Variants in DHX36 observed in about 807,000 individuals in gnomAD.
The protein encoded by DHX36 is ATP-dependent DNA/RNA helicase DHX36.
In DHX36, 50 loss-of-function variants were observed where a neutral mutation model predicts 139.0. The ratio of observed to expected loss-of-function variants is 0.36; its 90% CI spans 0.29 to 0.46. The LOEUF is 0.46. Ranked by LOEUF, DHX36 falls within the 20% of genes least tolerant of loss-of-function variation. DHX36 has a pLI of 1.00. For missense variants in DHX36, 1,024 were observed against 1,211.3 expected (o/e 0.85, Z 2.29); for synonymous variants, 425 against 401.9 (o/e 1.06, Z -0.69).
chr3:154,324,452 C>T lies in DHX36; in HGVS notation c.-36G>A, dbSNP rs750094739. ...GACTACAACCCGTCAGAACCAGCAA[C>T]CGCTGGAAATGGCGTCCGGGCCCGG... is the stretch of plus-strand genomic sequence containing the variant. On this transcript the variant is annotated 5_prime_UTR_variant, in exon 1 of 25. Transcript: ENST00000496811. 1.2e-5 allele frequency: 18 copies of T among 1,451,064 alleles called. No individual in the cohort carries two copies. Among genetic ancestry groups the T allele is most frequent in the Non-Finnish European group, 1.5e-5 (17 of 1,104,932 alleles). The allele number at this position is 1,451,064 out of a possible 1,614,324, so 89.9% of individuals were successfully genotyped here. A position where few individuals can be genotyped will look rare whatever the true frequency, so the allele number is the denominator to read the frequency against.
At chr3:154,295,728 A>C (rs1288615441) in intron 12 of DHX36, among the ~76,000 whole-genome samples, 5 of 152,238 alleles carry the variant, frequency 3.3e-5, no homozygotes, top group African/African-American at 1.2e-4. Flanking sequence ...CTGAATGAAT[A>C]GGCAACAATT....
chr3:154,288,903 T>C lies in DHX36; in HGVS notation c.1994A>G (p.Glu665Gly). Residue 665 changes from glutamate to glycine, a missense_variant, in exon 17 of 25, where the codon GAG becomes GGG. Physicochemically the swap from Glu to Gly is moderately conservative, Grantham distance 98. This residue lies in a region of DHX36 where 470 missense variants were observed against 616.2 expected (regional missense o/e 0.76). Transcript: ENST00000496811. ...LSRLMDPPSN[E>G]AVLLSIRHLM... Reference sequence around the variant, plus strand: ...GTGTCTTATGGAGAGTAACACTGCCTCATTTGATGGTGGGTCCATTAATCT... The same window carrying C: ...GTGTCTTATGGAGAGTAACACTGCCCCATTTGATGGTGGGTCCATTAATCT... 1 of 1,593,764 alleles carries C rather than the reference T, an allele frequency of 6.3e-7. No individual in the cohort carries two copies. The highest frequency in any genetic ancestry group is 8.6e-7 in the Non-Finnish European group (1 of 1,169,170).
chr3:154,310,821 A>ATG (rs1340929316), intron 4 of DHX36, among the ~76,000 whole-genome samples: 2 of 24,102 alleles, frequency 8.3e-5, no homozygotes, highest in African/African-American at 4.0e-4. Flanking sequence ...ATATATATAT[A>ATG]TATATATATA....
rs758611003 is a variant in DHX36 at position 154,324,367 on chromosome 3, C to G, written c.50G>C (p.Ser17Thr). The change falls in exon 1 of 25, where the codon AGC becomes ACC. Residue 17 changes from serine (S) to threonine (T), a missense_variant. Ser to Thr is a moderately conservative substitution (Grantham distance 58). Transcript: ENST00000496811. The part of the protein sequence containing the change: ...QNWGRDGGPR[S>T]SGGGYGGGPA... ...CCCCCCTCCATAGCCCCCACCGGAG[C>G]TGCGGGGACCCCCATCACGGCCCCA... The G allele has an allele frequency of 1.3e-6, 2 of 1,591,206 alleles. No individual in the cohort carries two copies. Among genetic ancestry groups the G allele is most frequent in the Non-Finnish European group, 1.7e-6 (2 of 1,166,712 alleles).
chr3:154,310,056 T>C (rs1273609918), intron 4 of DHX36, among the ~76,000 whole-genome samples: 1 of 152,080 alleles, frequency 6.6e-6, no homozygotes, highest in Non-Finnish European at 1.5e-5. Flanking sequence ...AAAAACATAT[T>C]GACATAAACA....
chr3:154,303,067 ACT>A (rs1184788302), intron 9 of DHX36, among the ~76,000 whole-genome samples: 1 of 151,892 alleles, frequency 6.6e-6, no homozygotes, highest in African/African-American at 2.4e-5. Context: ...ACAGAGAGAG[ACT>A]CTGTCTCAAT....
chr3:154,324,440 C>T lies in DHX36; in HGVS notation c.-24G>A. 4 of 1,458,638 alleles carry T rather than the reference C, an allele frequency of 2.7e-6. No individual in the cohort carries two copies. Among genetic ancestry groups the T allele is most frequent in the Non-Finnish European group, 3.6e-6 (4 of 1,108,058 alleles). 90.4% of individuals were successfully genotyped at this position (1,458,638 alleles called of 1,614,324 possible). A position where few individuals can be genotyped will look rare whatever the true frequency, so the allele number is the denominator to read the frequency against. ...ATTGTCCTGGCAGACTACAACCCGT[C>T]AGAACCAGCAACCGCTGGAAATGGC... On this transcript the variant is annotated 5_prime_UTR_variant, in exon 1 of 25. Coordinates refer to ENST00000496811, the MANE Select transcript of DHX36 (RefSeq NM_020865.3).
chr3:154,312,783 G>A (rs772815562), intron 3 of DHX36, among the ~76,000 whole-genome samples: 5 of 144,990 alleles, frequency 3.4e-5, no homozygotes, highest in Non-Finnish European at 4.5e-5. Flanking sequence ...AGCCGAGATC[G>A]TGCCACGGCA....
chr3:154,276,325 T>A lies in DHX36; in HGVS notation c.2873A>T (p.Gln958Leu). 2 of 1,613,184 alleles carry A rather than the reference T, an allele frequency of 1.2e-6. No individual in the cohort carries two copies. Among genetic ancestry groups the A allele is most frequent in the Non-Finnish European group, 1.7e-6 (2 of 1,179,842 alleles). ...AGGATGAGGACTTTCAATCTTCTCT[T>A]GCAGAAGAATATCTAGTTCCTTTCT... ...ELRKELDILLQEKIESPHPVD... is the reference protein window; with the variant it reads ...ELRKELDILLLEKIESPHPVD... The change falls in exon 25 of 25, where the codon CAA (glutamine) becomes CTA (leucine). Residue 958 changes from glutamine (Q) to leucine (L), a missense_variant. By Grantham distance (113) the Gln-to-Leu change is moderately radical. Coordinates refer to ENST00000496811, the MANE Select transcript of DHX36 (RefSeq NM_020865.3).
chr3:154,289,077 A>C (rs1442387992), intron 16 of DHX36, 113 bp from the exon 17 acceptor site: 3 of 438,446 alleles, frequency 6.8e-6, no homozygotes, highest in Non-Finnish European at 8.1e-6. Flanking sequence ...CATGACTTTC[A>C]AGTTATTTTA....
At chr3:154,290,873 G>A (rs1041808349) in intron 15 of DHX36, among the ~76,000 whole-genome samples, 6 of 150,796 alleles carry the variant, frequency 4.0e-5, no homozygotes, top group East Asian at 2.0e-4. Context: ...GGTGGCTCAC[G>A]CCTGTAATCC....
At chr3:154,317,257 T>G (rs568612630) in intron 1 of DHX36, among the ~76,000 whole-genome samples, 30 of 152,184 alleles carry the variant, frequency 2.0e-4, no homozygotes, top group African/African-American at 6.7e-4. Context: ...CACAATAGGA[T>G]GCTAAGTTTG....
chr3:154,316,471 A>AT (rs1464315017), intron 1 of DHX36, among the ~76,000 whole-genome samples: 1 of 152,052 alleles, frequency 6.6e-6, no homozygotes, highest in African/African-American at 2.4e-5. Context: ...AAACCCTCAC[A>AT]TACTAATTAT....
chr3:154,293,849 C>T (rs1298765135), intron 13 of DHX36, 37 bp from the exon 14 acceptor site: 3 of 1,432,218 alleles, frequency 2.1e-6, no homozygotes, highest in Non-Finnish European at 2.9e-6. Flanking sequence ...CAAAAGTACA[C>T]TAACTTCTAA....
In DHX36 at chr3:154,301,047, T is replaced by G. The variant is rs1432822056; in HGVS notation, c.1298A>C (p.Glu433Ala). 2 of 1,613,492 alleles carry G rather than the reference T, an allele frequency of 1.2e-6. No individual in the cohort carries two copies. The highest frequency in any genetic ancestry group is 1.7e-6 in the Non-Finnish European group (2 of 1,179,902). ...TTCTTTATATATTGCTTCTTTTTCTTCTTTTTCTTGTCTATTTACATGCCC... is the reference window on the plus strand; with the variant it reads ...TTCTTTATATATTGCTTCTTTTTCTGCTTTTTCTTGTCTATTTACATGCCC... ...MQGHVNRQEK[E>A]EKEAIYKERW... Residue 433 changes from glutamate (E) to alanine (A), a missense_variant, in exon 10 of 25, where the codon GAA (glutamate) becomes GCA (alanine). This residue lies in a region of DHX36 where 115 missense variants were observed against 105.6 expected (regional missense o/e 1.09). Coordinates refer to ENST00000496811, the MANE Select transcript of DHX36 (RefSeq NM_020865.3).
chr3:154,289,902 C>G (rs1389042238), intron 15 of DHX36, 76 bp from the exon 16 acceptor site: 1 of 816,550 alleles, frequency 1.2e-6, no homozygotes, highest in Non-Finnish European at 2.0e-6. Flanking sequence ...AGAGAAAATA[C>G]TAGGCAGGGA....
At chr3:154,296,637 T>C (rs1712059649) in intron 12 of DHX36, among the ~76,000 whole-genome samples, 1 of 152,180 alleles carries the variant, frequency 6.6e-6, no homozygotes, top group Admixed American at 6.5e-5. Flanking sequence ...TGTAATACAG[T>C]GATGGGTGAA....
intron 3 of DHX36, among the ~76,000 whole-genome samples, chr3:154,314,079 A>G (rs887892896): frequency 1.3e-5 from 2 of 152,188 alleles, no homozygotes; most frequent in African/African-American, 2.4e-5. Context: ...TGTCCATCAT[A>G]TACAGCAAAG....
intron 17 of DHX36, 25 bp downstream of exon 17, chr3:154,288,841 T>G (rs752185882): frequency 6.5e-6 from 9 of 1,382,842 alleles, no homozygotes; most frequent in Non-Finnish European, 8.9e-6. Flanking sequence ...AAGTTAGAAT[T>G]AAAAAAACAA....
Sources: allele counts gnomAD v4.1 joint callset (sites outside exome capture counted in the v4.1 genomes callset), GRCh38; gene constraint gnomAD v4.1.1; regional missense constraint gnomAD v4.1.1; transcripts MANE v1.5; gene names NCBI Gene and HGNC (gene_info 2026-07-23, HGNC 2026-07-21).